SH3GL2: variants seen among roughly 807,000 people sequenced by gnomAD.
The protein encoded by SH3GL2 is SH3 domain containing GRB2 like 2, endophilin A1, also known as endophilin-A1.
A neutral mutation model predicts 46.0 loss-of-function variants in SH3GL2; 24 were observed. That is an observed-to-expected ratio of 0.52 (90% CI 0.38 to 0.73). The LOEUF (loss-of-function observed/expected upper bound fraction) is 0.73. Ranked by LOEUF, SH3GL2 falls within the 30% of genes least tolerant of loss-of-function variation. SH3GL2 has a pLI of 0.00. For synonymous variants in SH3GL2, 196 were observed against 147.1 expected (o/e 1.33, Z -2.40); for missense variants, 413 against 424.2 (o/e 0.97, Z 0.23).
chr9:17,759,924 A>C (rs1194335456), intron 2 of SH3GL2, among the ~76,000 whole-genome samples: 1 of 152,220 alleles, frequency 6.6e-6, no homozygotes, highest in Non-Finnish European at 1.5e-5. Flanking sequence ...CACATGTACC[A>C]TGGAGTTTCA....
intron 1 of SH3GL2, among the ~76,000 whole-genome samples, chr9:17,663,993 T>C (rs1392299103): frequency 6.6e-6 from 1 of 152,162 alleles, no homozygotes; most frequent in Non-Finnish European, 1.5e-5. Context: ...GATAAAATAA[T>C]GTCGAGGGAG....
In SH3GL2 at chr9:17,747,145, A is replaced by G; in HGVS notation, c.114+11A>G. On this transcript the variant is annotated intron_variant, in intron 2 of 8. Transcript: ENST00000380607. ...AAAGAGATGGAAAGGGTAAGCCTTC[A>G]CTACTGCCTAGTGTTCCCTTTGACA... 1 of 1,565,612 alleles carries G rather than the reference A, an allele frequency of 6.4e-7. No homozygotes were observed. The highest frequency in any genetic ancestry group is 8.8e-7 in the Non-Finnish European group (1 of 1,138,332).
intron 3 of SH3GL2, among the ~76,000 whole-genome samples, chr9:17,781,551 C>T (rs1023493161): frequency 2.0e-5 from 3 of 152,078 alleles, no homozygotes; most frequent in Admixed American, 6.6e-5. Context: ...TATGCATGTA[C>T]ACATTTCTGA....
intron 1 of SH3GL2, among the ~76,000 whole-genome samples, chr9:17,733,099 T>C (rs1822226921): frequency 6.6e-6 from 1 of 152,066 alleles, no homozygotes; most frequent in Non-Finnish European, 1.5e-5. Flanking sequence ...ATAAGTTTAA[T>C]TCTACAGTGA....
intron 1 of SH3GL2, among the ~76,000 whole-genome samples, chr9:17,719,946 TTC>T (rs1488835146): frequency 2.0e-5 from 3 of 149,986 alleles, no homozygotes; most frequent in Admixed American, 6.6e-5. Flanking sequence ...TAAGTAGAAT[TTC>T]TTTTTATTTC....
chr9:17,643,789 A>G (rs1408236961), intron 1 of SH3GL2, among the ~76,000 whole-genome samples: 1 of 152,110 alleles, frequency 6.6e-6, no homozygotes, highest in Non-Finnish European at 1.5e-5. Context: ...TTGGCCTGAA[A>G]TTCTCTTTTT....
chr9:17,608,240 C>G (rs1241240901), intron 1 of SH3GL2, among the ~76,000 whole-genome samples: 1 of 149,202 alleles, frequency 6.7e-6, no homozygotes, highest in Non-Finnish European at 1.5e-5. Flanking sequence ...CTCTGCCTCC[C>G]AGGTTCACGC....
intron 1 of SH3GL2, among the ~76,000 whole-genome samples, chr9:17,618,983 C>G (rs1485171663): frequency 2.0e-5 from 3 of 152,062 alleles, no homozygotes; most frequent in Admixed American, 2.0e-4. Flanking sequence ...CCAAAAATGA[C>G]ATAAGATCAT....
chr9:17,691,985 C>A (rs1271889271), intron 1 of SH3GL2, among the ~76,000 whole-genome samples: 1 of 152,050 alleles, frequency 6.6e-6, no homozygotes, highest in East Asian at 1.9e-4. Flanking sequence ...ATTACAAATG[C>A]AATCTATTTC....
At chr9:17,590,504 A>T (rs978543959) in intron 1 of SH3GL2, 1 of 152,072 alleles carries the variant, frequency 6.6e-6, no homozygotes, top group Non-Finnish European at 1.5e-5. Context: ...TCTCTTTTCC[A>T]TTCATCTCAT....
intron 1 of SH3GL2, among the ~76,000 whole-genome samples, chr9:17,722,148 G>A (rs1168254325): frequency 1.3e-5 from 2 of 152,104 alleles, no homozygotes; most frequent in Non-Finnish European, 2.9e-5. Flanking sequence ...TACCCAGAAA[G>A]TGGCAGGATT....
At chr9:17,779,860 T>A (rs1823753487) in intron 3 of SH3GL2, among the ~76,000 whole-genome samples, 1 of 152,184 alleles carries the variant, frequency 6.6e-6, no homozygotes, top group Non-Finnish European at 1.5e-5. Flanking sequence ...TTTGTGTTTC[T>A]GCAGTTGAAG....
intron 1 of SH3GL2, among the ~76,000 whole-genome samples, chr9:17,694,589 T>C (rs1821159229): frequency 6.6e-6 from 1 of 152,144 alleles, no homozygotes; most frequent in African/African-American, 2.4e-5. Flanking sequence ...TCCACTGCAA[T>C]ACTAGAGCTG....
intron 3 of SH3GL2, among the ~76,000 whole-genome samples, chr9:17,768,390 A>AC (rs1491080771): frequency 1.3e-5 from 2 of 151,138 alleles, no homozygotes; most frequent in African/African-American, 4.9e-5. Flanking sequence ...AAAAAAAAAA[A>AC]ACACCAGATT....
intron 1 of SH3GL2, among the ~76,000 whole-genome samples, chr9:17,657,893 G>A (rs1397271978): frequency 6.6e-6 from 1 of 152,090 alleles, no homozygotes; most frequent in Admixed American, 6.5e-5. Flanking sequence ...TGTTACCCTG[G>A]CAGAAGGTTT....
chr9:17,670,626 C>A (rs2117958789), intron 1 of SH3GL2, among the ~76,000 whole-genome samples: 1 of 152,258 alleles, frequency 6.6e-6, no homozygotes, highest in Non-Finnish European at 1.5e-5. Context: ...GTAGCATTTT[C>A]TTTGTTTTCC....
chr9:17,583,428 T>TC (rs532651517), intron 1 of SH3GL2, among the ~76,000 whole-genome samples: 6 of 152,164 alleles, frequency 3.9e-5, no homozygotes, highest in Non-Finnish European at 7.4e-5. Flanking sequence ...GGTCACCCTG[T>TC]CCCCTTCCAC....
chr9:17,701,939 A>G (rs545228532), intron 1 of SH3GL2, among the ~76,000 whole-genome samples: 6 of 152,224 alleles, frequency 3.9e-5, no homozygotes, highest in South Asian at 4.1e-4. Flanking sequence ...TTTTAGTAAG[A>G]TAAGCCTATT....
chr9:17,748,732 A>T (rs542109706), intron 2 of SH3GL2, among the ~76,000 whole-genome samples: 62 of 152,160 alleles, frequency 4.1e-4, no homozygotes, highest in Non-Finnish European at 2.2e-4. Flanking sequence ...GGGGAGGGCA[A>T]ACTTGGGGCA....
Sources: gnomAD v4.1 joint callset for allele counts (sites outside exome capture counted in the v4.1 genomes callset) on GRCh38, gnomAD v4.1.1 for gene constraint, MANE v1.5 for transcripts, NCBI Gene and HGNC (gene_info 2026-07-23, HGNC 2026-07-21) for gene names.